The following CDYL variants were observed in gnomAD, a reference collection of about 807,000 sequenced individuals.
The protein encoded by CDYL is chromodomain Y-like protein.
Under a neutral mutation model 47.3 loss-of-function variants are expected in CDYL, and 8 were observed. The ratio of observed to expected loss-of-function variants is 0.17; its 90% CI spans 0.10 to 0.31. CDYL has a LOEUF of 0.31. Among genes scored for constraint, CDYL ranks in the 10% least tolerant of loss-of-function variants. CDYL has a pLI of 1.00. For missense variants in CDYL, 471 were observed against 701.4 expected (o/e 0.67, Z 3.71); for synonymous variants, 266 against 265.0 (o/e 1.00, Z -0.04).
At chr6:4,949,272 G>A (rs1314746896) in intron 5 of CDYL, among the ~76,000 whole-genome samples, 2 of 152,216 alleles carry the variant, frequency 1.3e-5, no homozygotes, top group Non-Finnish European at 2.9e-5. Flanking sequence ...GTGTGAAGCT[G>A]GAGAATGCCC....
chr6:4,731,586 C>T (rs978351999), intron 2 of CDYL, among the ~76,000 whole-genome samples: 1 of 151,956 alleles, frequency 6.6e-6, no homozygotes, highest in South Asian at 2.1e-4. Flanking sequence ...CACTTGAGGT[C>T]AGGAGTTCGA....
chr6:4,815,782 C>T (rs1473140276), intron 1 of CDYL, among the ~76,000 whole-genome samples: 2 of 149,942 alleles, frequency 1.3e-5, no homozygotes, highest in African/African-American at 4.9e-5. Flanking sequence ...TCAGTGGTCC[C>T]GTGTCAGCAT....
chr6:4,745,567 C>T (rs1002773438), intron 3 of CDYL, among the ~76,000 whole-genome samples: 1 of 140,972 alleles, frequency 7.1e-6, no homozygotes, highest in Non-Finnish European at 1.5e-5. Flanking sequence ...CATAGTGAAA[C>T]CCCATCTCTA....
intron 1 of CDYL, chr6:4,714,557 C>G (rs1397087818): frequency 6.6e-6 from 1 of 152,358 alleles, no homozygotes; most frequent in African/African-American, 2.4e-5. Context: ...CATCACAGCA[C>G]TGCTGCTGGC....
Position 4,737,098 on chromosome 6 carries a change from T to G in CDYL, c.186+2254T>G, listed in dbSNP as rs75868474. Among the ~76,000 whole-genome samples the G allele has an allele frequency of 3.3e-3, 500 of 152,342 alleles. 10 individuals carry two copies. Among genetic ancestry groups the G allele is most frequent in the East Asian group, 0.023 (120 of 5,184 alleles). On this transcript the variant is annotated intron_variant, in intron 3 of 8. Coordinates refer to the CDYL transcript ENST00000328908. The stretch of plus-strand genomic sequence containing the variant: ...GAAAAGAAGGGAATGTCTTTTCATG[T>G]TAAACTCCTTTGTACTGTCTTTAAA...
At chr6:4,940,454 AG>A (rs1469313471) in intron 4 of CDYL, among the ~76,000 whole-genome samples, 1 of 152,160 alleles carries the variant, frequency 6.6e-6, no homozygotes, top group Non-Finnish European at 1.5e-5. Flanking sequence ...TAAAACTTGG[AG>A]GCAAAGGACT....
At chr6:4,763,979 C>CA (rs1758214774) in intron 3 of CDYL, among the ~76,000 whole-genome samples, 1 of 151,964 alleles carries the variant, frequency 6.6e-6, no homozygotes, top group Non-Finnish European at 1.5e-5. Flanking sequence ...GTAAAGTTCT[C>CA]AATCAGTCTG....
At chr6:4,734,918 A>T (rs952896542) in intron 3 of CDYL, 3 of 1,587,516 alleles carry the variant, frequency 1.9e-6, no homozygotes, top group Admixed American at 3.5e-5. Flanking sequence ...GAATCGCCCC[A>T]CACCACACTC....
chr6:4,839,905 G>GT (rs1404949831), intron 1 of CDYL, among the ~76,000 whole-genome samples: 1 of 151,972 alleles, frequency 6.6e-6, no homozygotes, highest in Non-Finnish European at 1.5e-5. Context: ...TATGTGGGCA[G>GT]TTTTTTGGTT....
intron 2 of CDYL, among the ~76,000 whole-genome samples, chr6:4,899,068 T>C (rs1477466507): frequency 6.6e-6 from 1 of 152,244 alleles, no homozygotes; most frequent in African/African-American, 2.4e-5. Flanking sequence ...ATTTTTCTCA[T>C]TTTCTCACAC....
At chr6:4,862,095 G>T (rs968790022) in intron 1 of CDYL, among the ~76,000 whole-genome samples, 6 of 152,116 alleles carry the variant, frequency 3.9e-5, no homozygotes, top group African/African-American at 1.4e-4. Context: ...TGCTCTTGCG[G>T]GTACTGTGCA....
At chr6:4,798,058 G>A (rs987382538) in intron 1 of CDYL, among the ~76,000 whole-genome samples, 9 of 151,862 alleles carry the variant, frequency 5.9e-5, no homozygotes, top group African/African-American at 2.2e-4. Flanking sequence ...CTGCAGCCTT[G>A]ATTTCCTGGA....
At chr6:4,827,556 C>T (rs1344363274) in intron 1 of CDYL, among the ~76,000 whole-genome samples, 1 of 152,242 alleles carries the variant, frequency 6.6e-6, no homozygotes, top group South Asian at 2.1e-4. Context: ...AAATGTCTGT[C>T]TATACAGCTC....
chr6:4,807,930 A>ATT (rs201041809), intron 1 of CDYL, among the ~76,000 whole-genome samples: 1 of 151,092 alleles, frequency 6.6e-6, no homozygotes, highest in Non-Finnish European at 1.5e-5. Context: ...ATGCACTTAG[A>ATT]TTTTTTTTTA....
chr6:4,891,099 A>G (rs757050332), intron 1 of CDYL, among the ~76,000 whole-genome samples: 11 of 152,240 alleles, frequency 7.2e-5, no homozygotes, highest in Non-Finnish European at 1.2e-4. Context: ...ATCTCCATTG[A>G]AAGATGTTAG....
rs1397160207 is a variant in CDYL, at chr6:4,725,122, A to C, written c.103+9241A>C. On this transcript the variant is annotated intron_variant, in intron 2 of 8. Transcript: ENST00000328908. Reference sequence around the variant, plus strand: ...TTGCTGCATTCACAAACCCTGAGCTAGACACAGGGTTTGTGTCTAGCTGAT... The same window carrying C: ...TTGCTGCATTCACAAACCCTGAGCTCGACACAGGGTTTGTGTCTAGCTGAT... Among the ~76,000 whole-genome samples the C allele has an allele frequency of 2.0e-5, 3 of 152,306 alleles. No homozygotes were observed. The East Asian group carries it at 5.8e-4, about 29-fold the overall frequency.
chr6:4,794,582 A>AGGG (rs1394956848), intron 1 of CDYL, among the ~76,000 whole-genome samples: 1 of 152,104 alleles, frequency 6.6e-6, no homozygotes, highest in African/African-American at 2.4e-5. Flanking sequence ...GAGCTCGGGA[A>AGGG]GGGGAGGGCC....
chr6:4,731,275 A>G (rs1757600559), intron 2 of CDYL, among the ~76,000 whole-genome samples: 1 of 152,204 alleles, frequency 6.6e-6, no homozygotes, highest in Non-Finnish European at 1.5e-5. Context: ...CACATAAATC[A>G]TGGATCTCCC....
At chr6:4,739,036 C>G (rs1043865283) in intron 3 of CDYL, among the ~76,000 whole-genome samples, 3 of 152,090 alleles carry the variant, frequency 2.0e-5, no homozygotes, top group African/African-American at 7.2e-5. Context: ...TGGCACATGC[C>G]TGTAATCCCA....
Sources: allele counts gnomAD v4.1 joint callset (sites outside exome capture counted in the v4.1 genomes callset), GRCh38; gene constraint gnomAD v4.1.1; transcripts MANE v1.5; gene names NCBI Gene and HGNC (gene_info 2026-07-23, HGNC 2026-07-21).